TLK2: variants seen among roughly 807,000 people sequenced by gnomAD.
The protein encoded by TLK2 is tousled like kinase 2.
Under a neutral mutation model 117.3 loss-of-function variants are expected in TLK2, and 6 were observed. The ratio of observed to expected loss-of-function variants is 0.05; its 90% CI spans 0.03 to 0.10. The LOEUF (loss-of-function observed/expected upper bound fraction) is 0.10. Among genes scored for constraint, TLK2 ranks in the 10% least tolerant of loss-of-function variants. The pLI is 1.00. For synonymous variants in TLK2, 257 were observed against 316.7 expected (o/e 0.81, Z 2.00); for missense variants, 299 against 901.2 (o/e 0.33, Z 8.56).
At chr17:62,563,190 A>G (rs533548413) in intron 10 of TLK2, among the ~76,000 whole-genome samples, 1 of 152,368 alleles carries the variant, frequency 6.6e-6, no homozygotes, top group East Asian at 1.9e-4. Flanking sequence ...AGTTCCTGCC[A>G]TCAGAGGGTT....
chr17:62,563,634 ATT>A (rs147230882), intron 10 of TLK2, among the ~76,000 whole-genome samples: 1 of 152,244 alleles, frequency 6.6e-6, no homozygotes, highest in African/African-American at 2.4e-5. Flanking sequence ...ACAGTACTTT[ATT>A]CTTTTCCTTT....
chr17:62,583,723 GC>G (rs1402344738), intron 15 of TLK2, among the ~76,000 whole-genome samples: 1 of 151,874 alleles, frequency 6.6e-6, no homozygotes, highest in Non-Finnish European at 1.5e-5. Context: ...GATTACAGGC[GC>G]CCGACCCCAC....
chr17:62,580,866 T>C (rs1453980781), intron 15 of TLK2, among the ~76,000 whole-genome samples: 3 of 152,254 alleles, frequency 2.0e-5, no homozygotes, highest in African/African-American at 4.8e-5. Flanking sequence ...CTTTCAGAAA[T>C]ACAGCTTTCA....
rs2082073688 is a variant in TLK2 at position 62,591,419 on chromosome 17, C to G, written c.1461-5166C>G. Among the ~76,000 whole-genome samples, 5 of 151,704 alleles carry G rather than the reference C, an allele frequency of 3.3e-5. No homozygotes were observed. The South Asian group carries it at 1.0e-3, about 32-fold the overall frequency. The stretch of plus-strand genomic sequence containing the variant: ...TTGAGGGTTGGGGAGGCCAAAGCTA[C>G]ATTTGCTGAGTGTCTGCAGCAAGCT... On this transcript the variant is annotated intron_variant, in intron 16 of 21. Transcript: ENST00000346027.
intron 19 of TLK2, 89 bp from the exon 20 acceptor site, chr17:62,606,041 T>A: frequency 1.9e-6 from 1 of 528,478 alleles, no homozygotes. Context: ...ATTTCTATTT[T>A]CAACAAGATA....
rs1173554945 is a variant in TLK2 at position 62,596,822 on chromosome 17, T to G, written c.1550+148T>G. On this transcript the variant is annotated intron_variant, in intron 17 of 21. Transcript: ENST00000346027. ...CAAATGATCAAACATAAATTCAGAT[T>G]TGGATCAGCAAGAAACCTCTAGGCC... is the stretch of plus-strand genomic sequence containing the variant. 4.4e-6 allele frequency: 3 copies of G among 674,648 alleles called. No homozygotes were observed. The African/African-American group carries it at 5.5e-5, about 12-fold the overall frequency. The allele number at this position is 674,648 out of a possible 1,614,324, so 41.8% of individuals were successfully genotyped here.
chr17:62,573,674 A>G (rs1484606976), intron 12 of TLK2, among the ~76,000 whole-genome samples: 2 of 152,238 alleles, frequency 1.3e-5, no homozygotes, highest in East Asian at 1.9e-4. Context: ...TATTGCTTAC[A>G]TGTGGCTGCA....
At chr17:62,478,077 G>C (rs1231676247), upstream of TLK2, 1 of 151,974 alleles carries the variant, frequency 6.6e-6, no homozygotes, top group African/African-American at 2.4e-5. Context: ...CGCTCTGCCA[G>C]CCAGGTACGT....
intron 20 of TLK2, among the ~76,000 whole-genome samples, chr17:62,607,012 CTTTT>C (rs10680028): frequency 8.1e-6 from 1 of 123,566 alleles, no homozygotes; most frequent in Non-Finnish European, 1.6e-5. Context: ...TCTCCTTGGT[CTTTT>C]TTTTTTTTTT....
At chr17:62,480,103 A>G in intron 1 of TLK2, among the ~76,000 whole-genome samples, 1 of 152,270 alleles carries the variant, frequency 6.6e-6, no homozygotes, top group Admixed American at 6.5e-5. Flanking sequence ...AGGAAGGGAA[A>G]TGAAACTGAA....
rs965268089 is a variant in TLK2 at position 62,607,119 on chromosome 17, G to C, written c.1971+878G>C. 6.0e-5 allele frequency among the ~76,000 whole-genome samples: 9 copies of C among 150,198 alleles called. No homozygotes were observed. The East Asian group carries it at 1.8e-3, about 30-fold the overall frequency. On this transcript the variant is annotated intron_variant, in intron 20 of 21. Transcript: ENST00000346027. ...TCCCTGACAATGTTGAATTGCTGCC[G>C]ATAACAGCAGTAGAAATTATCTAGA...
intron 7 of TLK2, among the ~76,000 whole-genome samples, chr17:62,538,082 C>A (rs1420202568): frequency 7.9e-6 from 1 of 126,118 alleles, no homozygotes. Flanking sequence ...GTCGCCCAGT[C>A]TGGAGTGCAG....
rs747190233 is a variant in TLK2 at position 62,606,202 on chromosome 17, G to A, written c.1932G>A (p.Ser644=). 4.6e-5 allele frequency: 73 copies of A among 1,601,808 alleles called. No homozygotes were observed. Among genetic ancestry groups the A allele is most frequent in the South Asian group, 5.6e-5 (5 of 89,152 alleles). Residue 644 remains serine (S), a synonymous_variant, in exon 20 of 22, where the codon TCG becomes TCA. Transcript: ENST00000346027. ...PKISNKVDVW[S]VGVIFYQCLY... ...TCTCAAATAAAGTTGATGTGTGGTC[G>A]GTGGGTGTGATCTTCTATCAGTGTC...
At chr17:62,516,479 T>G in intron 2 of TLK2, 1 of 1,604,806 alleles carries the variant, frequency 6.2e-7, no homozygotes, top group Non-Finnish European at 8.5e-7. Context: ...TCTGGACGGC[T>G]ACGGCGTAGG....
chr17:62,539,071 G>A (rs937335658), intron 7 of TLK2, among the ~76,000 whole-genome samples: 28 of 152,316 alleles, frequency 1.8e-4, no homozygotes, highest in African/African-American at 5.8e-4. Context: ...GTAGGTGATA[G>A]TTTAGAGATA....
chr17:62,532,599 A>G lies in TLK2; in HGVS notation c.364-3571A>G, dbSNP rs550128720. 3.2e-4 allele frequency among the ~76,000 whole-genome samples: 48 copies of G among 152,352 alleles called. No individual in the cohort carries two copies. The South Asian group carries it at 5.2e-3, about 16-fold the overall frequency. ...TATTCATGCAGATTATGAAAGTTCA[A>G]CAATTCAGAAATGGTGAAATAGAAA... On this transcript the variant is annotated intron_variant, in intron 6 of 21. Transcript: ENST00000346027.
intron 7 of TLK2, among the ~76,000 whole-genome samples, chr17:62,539,394 A>G (rs2077341912): frequency 6.7e-6 from 1 of 149,882 alleles, no homozygotes; most frequent in Non-Finnish European, 1.5e-5. Flanking sequence ...CACATTCTCT[A>G]TCTCTGAACA....
At chr17:62,473,108 C>T (rs1224927354) in intron 1 of TLK2, among the ~76,000 whole-genome samples, 1 of 152,126 alleles carries the variant, frequency 6.6e-6, no homozygotes, top group Non-Finnish European at 1.5e-5. Context: ...TGCGTACAGG[C>T]TGTGGGGCTG....
chr17:62,528,629 C>T (rs1400092506), intron 6 of TLK2, among the ~76,000 whole-genome samples: 1 of 152,056 alleles, frequency 6.6e-6, no homozygotes, highest in Non-Finnish European at 1.5e-5. Context: ...GTTGGCCAGG[C>T]TGGCCTCTAT....
Sources: gnomAD v4.1 joint callset for allele counts (sites outside exome capture counted in the v4.1 genomes callset) on GRCh38, gnomAD v4.1.1 for gene constraint, MANE v1.5 for transcripts, NCBI Gene and HGNC (gene_info 2026-07-23, HGNC 2026-07-21) for gene names.